The following WDR49 variants were observed in gnomAD, a reference collection of about 807,000 sequenced individuals.
The protein encoded by WDR49 is WD repeat domain 49, also known as cilia- and flagella-associated protein 337.
In WDR49, 107 loss-of-function variants were observed where a neutral mutation model predicts 119.5. That is an observed-to-expected ratio of 0.90 (90% CI 0.77 to 1.05). The LOEUF is 1.05. Among genes scored for constraint, WDR49 ranks in the 50% least tolerant of loss-of-function variants. The pLI is 0.00. For missense variants in WDR49, 1,240 were observed against 1,220.5 expected (o/e 1.02, Z -0.24); for synonymous variants, 425 against 418.8 (o/e 1.01, Z -0.18).
intron 2 of WDR49, among the ~76,000 whole-genome samples, chr3:167,637,438 A>G (rs1365330609): frequency 2.0e-5 from 3 of 151,234 alleles, no homozygotes; most frequent in Non-Finnish European, 4.4e-5. Context: ...ATGCCTCCAG[A>G]TTTGTTCTTT....
intron 5 of WDR49, among the ~76,000 whole-genome samples, chr3:167,613,830 A>G (rs1716463050): frequency 6.6e-6 from 1 of 151,608 alleles, no homozygotes; most frequent in Admixed American, 6.6e-5. Context: ...CTGTAATCCC[A>G]GGTACTCGGG....
chr3:167,494,976 A>G (rs9290315), intron 18 of WDR49, among the ~76,000 whole-genome samples: 76,658 of 152,000 alleles, frequency 0.5, 19,853 homozygotes, highest in African/African-American at 0.64. Flanking sequence ...TCAAGTACTA[A>G]TTAGATTAAG....
At chr3:167,537,534 G>C (rs1201227865) in intron 10 of WDR49, among the ~76,000 whole-genome samples, 1 of 152,102 alleles carries the variant, frequency 6.6e-6, no homozygotes, top group Non-Finnish European at 1.5e-5. Flanking sequence ...ACAATTTGTG[G>C]AACATACTTG....
At chr3:167,554,847 T>C (rs1712830886) in intron 9 of WDR49, 49 bp from the exon 10 acceptor site, 1 of 1,346,114 alleles carries the variant, frequency 7.4e-7, no homozygotes, top group Non-Finnish European at 1.0e-6. Context: ...GTAAACTTTT[T>C]ATATTCTGAA....
Position 167,627,591 on chromosome 3 carries a change from G to A in WDR49, c.166-299C>T, listed in dbSNP as rs192601986. 2.1e-3 allele frequency among the ~76,000 whole-genome samples: 320 copies of A among 152,038 alleles called. 3 individuals carry two copies. Among genetic ancestry groups the A allele is most frequent in the South Asian group, 0.013 (61 of 4,824 alleles). ...GAAGCATGGAATGATGTGAGGCTGC[G>A]AGCCAAAGAATTCAGGTTACCTCTA... On this transcript the variant is annotated intron_variant, in intron 2 of 18. Coordinates refer to ENST00000682715, the MANE Select transcript of WDR49 (RefSeq NM_001366157.1).
chr3:167,498,463 G>C (rs139949481), intron 18 of WDR49, among the ~76,000 whole-genome samples: 4 of 152,190 alleles, frequency 2.6e-5, no homozygotes, highest in Non-Finnish European at 5.9e-5. Flanking sequence ...GGGAGGGTGA[G>C]AGGGGTAGCC....
chr3:167,534,923 C>T (rs1752970831), intron 11 of WDR49, among the ~76,000 whole-genome samples: 1 of 152,088 alleles, frequency 6.6e-6, no homozygotes, highest in Admixed American at 6.6e-5. Flanking sequence ...TAAGTGCCAC[C>T]AACGTGTGAT....
In WDR49 at chr3:167,536,941, C is replaced by T; in HGVS notation, c.1883G>A (p.Trp628Ter). The T allele has an allele frequency of 6.3e-7, 1 of 1,591,660 alleles. No individual in the cohort carries two copies. Among genetic ancestry groups the T allele is most frequent in the Non-Finnish European group, 8.5e-7 (1 of 1,169,606 alleles). ...FNQFFIQPEE[W>*]KGGIQHHDDI... The stretch of plus-strand genomic sequence containing the variant: ...ATCATGGTGCTGTATACCTCCTTTC[C>T]ATTCTTCAGGCTGGATGAAAAATTG... Residue 628 changes from tryptophan to a stop codon, truncating the protein, a stop_gained, in exon 11 of 19, where the codon TGG becomes TAG. Transcript: ENST00000682715. LOFTEE classifies it high-confidence loss of function.
intron 3 of WDR49, among the ~76,000 whole-genome samples, chr3:167,626,535 A>T (rs1717134209): frequency 6.6e-6 from 1 of 152,024 alleles, no homozygotes; most frequent in South Asian, 2.1e-4. Flanking sequence ...AAATCCATTG[A>T]ATCTTGCCAT....
intron 10 of WDR49, among the ~76,000 whole-genome samples, chr3:167,539,887 C>T (rs1711679914): frequency 6.6e-6 from 1 of 151,932 alleles, no homozygotes; most frequent in Admixed American, 6.6e-5. Context: ...TGTTTTTTTC[C>T]TTCTACAACA....
At chr3:167,645,776 G>A (rs1718093588) in intron 2 of WDR49, among the ~76,000 whole-genome samples, 1 of 152,004 alleles carries the variant, frequency 6.6e-6, no homozygotes. Flanking sequence ...TCTATGTTGC[G>A]ATTCTCTCAC....
At chr3:167,514,802 G>T (rs1426295178) in intron 16 of WDR49, among the ~76,000 whole-genome samples, 1 of 151,968 alleles carries the variant, frequency 6.6e-6, no homozygotes, top group Non-Finnish European at 1.5e-5. Flanking sequence ...AGATAAAAGG[G>T]ATATCACCAC....
At position 167,478,714 on chromosome 3, in the gene WDR49, C is replaced by A. The variant is rs761240339; in HGVS notation, c.*164G>T. The A allele has an allele frequency of 4.2e-4, 182 of 434,176 alleles. 1 individual carries two copies. Among genetic ancestry groups the A allele is most frequent in the Non-Finnish European group, 2.5e-4 (62 of 249,346 alleles). 26.9% of individuals were successfully genotyped at this position (434,176 alleles called of 1,614,324 possible). On this transcript the variant is annotated 3_prime_UTR_variant, in exon 19 of 19. Transcript: ENST00000682715. ...TTCAATATTTATTTTATTAAGAATA[C>A]AGAGAAATTGACAGATGATAGATAA...
intron 7 of WDR49, among the ~76,000 whole-genome samples, chr3:167,577,523 G>GT (rs889845248): frequency 6.7e-5 from 10 of 149,242 alleles, no homozygotes; most frequent in East Asian, 3.9e-4. Flanking sequence ...CCTCCAATAA[G>GT]TTTTTTTTTT....
intron 18 of WDR49, among the ~76,000 whole-genome samples, chr3:167,486,999 A>G (rs966389127): frequency 6.6e-6 from 1 of 152,056 alleles, no homozygotes; most frequent in Non-Finnish European, 1.5e-5. Flanking sequence ...AATAAATGTC[A>G]TTCATTTCAG....
At chr3:167,512,628 A>C (rs1299009531) in intron 16 of WDR49, among the ~76,000 whole-genome samples, 1 of 152,218 alleles carries the variant, frequency 6.6e-6, no homozygotes, top group African/African-American at 2.4e-5. Flanking sequence ...GAATTGACAG[A>C]AGTAGGCTTC....
At chr3:167,511,401 C>T (rs754615329) in intron 16 of WDR49, among the ~76,000 whole-genome samples, 1 of 152,054 alleles carries the variant, frequency 6.6e-6, no homozygotes, top group African/African-American at 2.4e-5. Flanking sequence ...TGCCTCTCAC[C>T]CCCAGAAGTC....
At chr3:167,529,313 C>CA in intron 13 of WDR49, 74 bp from the exon 14 acceptor site, 2 of 1,388,296 alleles carry the variant, frequency 1.4e-6, no homozygotes, top group Non-Finnish European at 1.9e-6. Flanking sequence ...AGTGGCTTTC[C>CA]CTGTGGAAAG....
intron 10 of WDR49, among the ~76,000 whole-genome samples, chr3:167,553,250 T>C (rs1712681451): frequency 6.6e-6 from 1 of 152,072 alleles, no homozygotes; most frequent in Non-Finnish European, 1.5e-5. Context: ...CCTGACAACC[T>C]TGAGGATAAC....
Sources: allele counts gnomAD v4.1 joint callset (sites outside exome capture counted in the v4.1 genomes callset), GRCh38; gene constraint gnomAD v4.1.1; transcripts MANE v1.5; gene names NCBI Gene and HGNC (gene_info 2026-07-23, HGNC 2026-07-21).